CFDP1: variants seen among roughly 807,000 people sequenced by gnomAD.
CFDP1 encodes the protein chromatin remodeling protein CFDP1.
Under a neutral mutation model 40.1 loss-of-function variants are expected in CFDP1, and 31 were observed. The observed-to-expected ratio is 0.77, with a 90% CI of 0.58 to 1.04. The LOEUF (loss-of-function observed/expected upper bound fraction) is 1.04, where lower values mean the gene tolerates loss of function less well. Among genes scored for constraint, CFDP1 ranks in the 50% least tolerant of loss-of-function variants. The pLI is 0.00. For missense variants in CFDP1, 423 were observed against 343.4 expected (o/e 1.23, Z -1.83); for synonymous variants, 167 against 120.0 (o/e 1.39, Z -2.56).
intron 6 of CFDP1, among the ~76,000 whole-genome samples, chr16:75,297,422 G>T (rs1227291163): frequency 6.6e-6 from 1 of 152,120 alleles, no homozygotes; most frequent in African/African-American, 2.4e-5. Flanking sequence ...AAAGAGGAAG[G>T]GCTCATTAGA....
chr16:75,424,869 A>C (rs553169937), intron 1 of CFDP1, among the ~76,000 whole-genome samples: 27 of 152,314 alleles, frequency 1.8e-4, no homozygotes, highest in African/African-American at 6.0e-4. Flanking sequence ...TAAATATAAA[A>C]GGTAAACATA....
chr16:75,349,320 G>T (rs989201067), intron 5 of CFDP1, among the ~76,000 whole-genome samples: 6 of 151,652 alleles, frequency 4.0e-5, no homozygotes, highest in African/African-American at 1.5e-4. Flanking sequence ...GACCAGCCAG[G>T]CCAAAATGGT....
chr16:75,432,584 G>A (rs192147618), intron 1 of CFDP1, among the ~76,000 whole-genome samples: 20 of 152,080 alleles, frequency 1.3e-4, no homozygotes, highest in South Asian at 4.2e-4. Flanking sequence ...AAAACAAAGA[G>A]AATAGGGACG....
At chr16:75,405,779 C>T (rs991211584) in intron 4 of CFDP1, among the ~76,000 whole-genome samples, 2 of 144,142 alleles carry the variant, frequency 1.4e-5, no homozygotes, top group African/African-American at 2.6e-5. Flanking sequence ...ATGAGCCAGG[C>T]GTGGTGGTAT....
At chr16:75,431,911 C>CTTT (rs71380741) in intron 1 of CFDP1, among the ~76,000 whole-genome samples, 11 of 134,482 alleles carry the variant, frequency 8.2e-5, no homozygotes, top group Admixed American at 1.5e-4. Flanking sequence ...GACTGGCTAA[C>CTTT]TTTTTTTTTT....
chr16:75,367,385 T>C (rs2078722136), intron 5 of CFDP1, among the ~76,000 whole-genome samples: 1 of 146,622 alleles, frequency 6.8e-6, no homozygotes, highest in Non-Finnish European at 1.5e-5. Context: ...GGCACACATG[T>C]ACCTATGTAA....
At position 75,429,921 on chromosome 16, in the gene CFDP1, A is replaced by G. The variant is rs372204045; in HGVS notation, c.64+3368T>C. Among the ~76,000 whole-genome samples, 10 of 152,262 alleles carry G rather than the reference A, an allele frequency of 6.6e-5. No homozygotes were observed. The East Asian group carries it at 1.7e-3, about 26-fold the overall frequency. ...ATGATGCAGCCCTCAAGAGGTCCTG[A>G]GAGCACGCGCCCAAGGTGGTTGGGG... On this transcript the variant is annotated intron_variant, in intron 1 of 6. Transcript: ENST00000283882.
intron 5 of CFDP1, among the ~76,000 whole-genome samples, chr16:75,383,184 T>C (rs2151550631): frequency 6.6e-6 from 1 of 152,312 alleles, no homozygotes; most frequent in East Asian, 1.9e-4. Flanking sequence ...AATCCAAAAT[T>C]CAAGTAACTG....
chr16:75,397,833 G>C (rs1210643397), intron 4 of CFDP1, among the ~76,000 whole-genome samples: 1 of 152,072 alleles, frequency 6.6e-6, no homozygotes, highest in Non-Finnish European at 1.5e-5. Flanking sequence ...AAAAATAAAA[G>C]AACAAAACAA....
intron 5 of CFDP1, among the ~76,000 whole-genome samples, chr16:75,315,733 A>G (rs2078320046): frequency 6.6e-6 from 1 of 152,152 alleles, no homozygotes; most frequent in Non-Finnish European, 1.5e-5. Context: ...CCATTGCATC[A>G]TTTCACCTCT....
Position 75,346,720 on chromosome 16 carries a change from CAA to C in CFDP1, c.651-41540_651-41539del, listed in dbSNP as rs10538921. Among the ~76,000 whole-genome samples the C allele has an allele frequency of 4.9e-3, 631 of 129,964 alleles. 3 individuals carry two copies. The highest frequency in any genetic ancestry group is 8.2e-3 in the African/African-American group (288 of 35,102). 85.3% of individuals were successfully genotyped at this position (129,964 alleles called of 152,430 possible). A position where few individuals can be genotyped will look rare whatever the true frequency, so the allele number is the denominator to read the frequency against. ...CAAGATAGCTCTAAAATCTTCCACT[CAA>C]AAAAAAAAAAAAAAAGTCAGCACCT... On this transcript the variant is annotated intron_variant, in intron 5 of 6. Coordinates refer to ENST00000283882, the MANE Select transcript of CFDP1 (RefSeq NM_006324.3).
At chr16:75,399,744 G>A (rs868213744) in intron 4 of CFDP1, among the ~76,000 whole-genome samples, 2 of 152,094 alleles carry the variant, frequency 1.3e-5, no homozygotes, top group African/African-American at 4.8e-5. Flanking sequence ...CACTTTGGGA[G>A]GCCAAGGGCG....
At chr16:75,413,294 C>T (rs1037140701) in intron 2 of CFDP1, among the ~76,000 whole-genome samples, 14 of 152,138 alleles carry the variant, frequency 9.2e-5, no homozygotes, top group African/African-American at 3.4e-4. Flanking sequence ...ACAGGCCAGG[C>T]GCAGTGGCTC....
chr16:75,433,488 G>A lies in CFDP1; in HGVS notation c.-136C>T. ...CGGCCCCCGACAGCGCTTTGCACAT[G>A]CGCAGAGAGTACTACGTGGTTGCCC... On this transcript the variant is annotated 5_prime_UTR_variant, in exon 1 of 7. Coordinates refer to ENST00000283882, the MANE Select transcript of CFDP1 (RefSeq NM_006324.3). 1 of 751,398 alleles carries A rather than the reference G, an allele frequency of 1.3e-6. No individual in the cohort carries two copies. The highest frequency in any genetic ancestry group is 1.7e-5 in the African/African-American group (1 of 57,860). The allele number at this position is 751,398 out of a possible 1,614,324, so 46.5% of individuals were successfully genotyped here. A position where few individuals can be genotyped will look rare whatever the true frequency, so the allele number is the denominator to read the frequency against.
intron 5 of CFDP1, among the ~76,000 whole-genome samples, chr16:75,382,240 C>T (rs2078858765): frequency 1.3e-5 from 2 of 152,006 alleles, no homozygotes; most frequent in Non-Finnish European, 2.9e-5. Flanking sequence ...CCATTTTCCA[C>T]TGCCAACTAA....
chr16:75,316,467 G>A (rs1452215373), intron 5 of CFDP1, among the ~76,000 whole-genome samples: 1 of 151,718 alleles, frequency 6.6e-6, no homozygotes, highest in Non-Finnish European at 1.5e-5. Context: ...CACTTTGGGA[G>A]GCCAGGGAGG....
chr16:75,369,163 T>C (rs1263682342), intron 5 of CFDP1, among the ~76,000 whole-genome samples: 1 of 152,160 alleles, frequency 6.6e-6, no homozygotes, highest in Non-Finnish European at 1.5e-5. Context: ...AGTCCTCCTC[T>C]CCTCAGTATA....
intron 5 of CFDP1, among the ~76,000 whole-genome samples, chr16:75,393,730 T>A (rs1597378619): frequency 1.4e-5 from 1 of 71,378 alleles, no homozygotes; most frequent in Non-Finnish European, 2.4e-5. Context: ...AGAGCGAGAC[T>A]CCGTCGCAAA....
intron 5 of CFDP1, among the ~76,000 whole-genome samples, chr16:75,355,283 C>T (rs1009166443): frequency 1.7e-4 from 26 of 152,200 alleles, no homozygotes; most frequent in African/African-American, 4.3e-4. Context: ...GTCACATTGA[C>T]TCCTCTTTCA....
Sources: gnomAD v4.1 joint callset for allele counts (sites outside exome capture counted in the v4.1 genomes callset) on GRCh38, gnomAD v4.1.1 for gene constraint, MANE v1.5 for transcripts, NCBI Gene and HGNC (gene_info 2026-07-23, HGNC 2026-07-21) for gene names.